The following MARCHF11 variants were observed in gnomAD, a reference collection of about 807,000 sequenced individuals.
MARCHF11 encodes E3 ubiquitin-protein ligase MARCHF11.
MARCHF11 carries 29 observed loss-of-function variants against 37.3 expected under a neutral mutation model. That is an observed-to-expected ratio of 0.78 (90% CI 0.58 to 1.06). The LOEUF (loss-of-function observed/expected upper bound fraction) is 1.06. MARCHF11 is among the 50% of genes least tolerant of loss of function. The pLI is 0.00. For missense variants in MARCHF11, 482 were observed against 533.4 expected, an observed-to-expected ratio of 0.90 and a Z score of 0.95; for synonymous variants, 233 against 228.0, an observed-to-expected ratio of 1.02 and a Z score of -0.20.
chr5:16,136,907 G>A (rs1737618955), intron 2 of MARCHF11, among the ~76,000 whole-genome samples: 1 of 151,966 alleles, frequency 6.6e-6, no homozygotes. Context: ...GAAACATAAT[G>A]AACTAAATAG....
intron 2 of MARCHF11, among the ~76,000 whole-genome samples, chr5:16,108,524 T>C (rs1737083648): frequency 6.6e-6 from 1 of 152,158 alleles, no homozygotes; most frequent in African/African-American, 2.4e-5. Context: ...TGTCTTGACA[T>C]CTGCCAGGGA....
intron 1 of MARCHF11, among the ~76,000 whole-genome samples, chr5:16,178,286 A>T (rs956401743): frequency 6.6e-6 from 1 of 152,210 alleles, no homozygotes; most frequent in Non-Finnish European, 1.5e-5. Context: ...TTCTAAATGT[A>T]GCATCATAAA....
At chr5:16,177,943 G>A in intron 1 of MARCHF11, 62 bp from the exon 2 acceptor site, 1 of 1,467,370 alleles carries the variant, frequency 6.8e-7, no homozygotes, top group East Asian at 2.4e-5. Flanking sequence ...AAAACCTAAT[G>A]CTTCCTTTCT....
At chr5:16,074,540 T>C (rs1736484693) in intron 3 of MARCHF11, among the ~76,000 whole-genome samples, 1 of 152,208 alleles carries the variant, frequency 6.6e-6, no homozygotes, top group Non-Finnish European at 1.5e-5. Flanking sequence ...TACTGTTGAC[T>C]ATAAATGGTA....
At chr5:16,153,120 T>G (rs1737915764) in intron 2 of MARCHF11, among the ~76,000 whole-genome samples, 1 of 151,810 alleles carries the variant, frequency 6.6e-6, no homozygotes, top group Non-Finnish European at 1.5e-5. Flanking sequence ...ACAGAAAAGG[T>G]AAGGGTCATG....
intron 2 of MARCHF11, among the ~76,000 whole-genome samples, chr5:16,142,356 A>G (rs1737721616): frequency 6.6e-6 from 1 of 152,182 alleles, no homozygotes; most frequent in Non-Finnish European, 1.5e-5. Context: ...TATTGTAAAA[A>G]TAGCAACGCT....
chr5:16,070,949 T>C (rs1047000391), intron 3 of MARCHF11, among the ~76,000 whole-genome samples: 2 of 152,138 alleles, frequency 1.3e-5, no homozygotes, highest in African/African-American at 2.4e-5. Flanking sequence ...CATGCATTTT[T>C]CCCCCTTTTT....
intron 2 of MARCHF11, among the ~76,000 whole-genome samples, chr5:16,142,583 G>C (rs1287859418): frequency 6.6e-6 from 1 of 151,950 alleles, no homozygotes; most frequent in Non-Finnish European, 1.5e-5. Flanking sequence ...GTACAGTCTT[G>C]TGAACTAGGG....
chr5:16,165,349 T>C (rs1429862382), intron 2 of MARCHF11, among the ~76,000 whole-genome samples: 1 of 152,106 alleles, frequency 6.6e-6, no homozygotes, highest in African/African-American at 2.4e-5. Flanking sequence ...TCCCCTATTG[T>C]TAATATCTTA....
At chr5:16,140,890 T>C (rs1021267385) in intron 2 of MARCHF11, 1 of 152,160 alleles carries the variant, frequency 6.6e-6, no homozygotes, top group Admixed American at 6.5e-5. Flanking sequence ...CTTAATAAAA[T>C]AGAAAAACTT....
In MARCHF11 at chr5:16,160,907, G is replaced by A. The variant is rs140945406; in HGVS notation, c.693+16819C>T. Among the ~76,000 whole-genome samples, 318 of 152,114 alleles carry A rather than the reference G, an allele frequency of 2.1e-3. 1 individual carries two copies. Among genetic ancestry groups the A allele is most frequent in the African/African-American group, 7.3e-3 (304 of 41,558 alleles). On this transcript the variant is annotated intron_variant, in intron 2 of 3. Coordinates refer to ENST00000332432, the MANE Select transcript of MARCHF11 (RefSeq NM_001102562.3). ...TTCCAAGAACACAACCGTAGTTCGT[G>A]TGAAACACTAGAGGGCAGAGTTGCA...
chr5:16,117,520 A>T (rs934117590), intron 2 of MARCHF11, among the ~76,000 whole-genome samples: 1 of 152,196 alleles, frequency 6.6e-6, no homozygotes, highest in African/African-American at 2.4e-5. Flanking sequence ...GCAAAGCAAC[A>T]TTTGGTCTTG....
chr5:16,166,626 T>C (rs1276429906), intron 2 of MARCHF11, among the ~76,000 whole-genome samples: 2 of 152,038 alleles, frequency 1.3e-5, no homozygotes, highest in East Asian at 1.9e-4. Context: ...ATATGTAAAT[T>C]TCTATACGAT....
chr5:16,116,658 C>T (rs1249084077), intron 2 of MARCHF11, among the ~76,000 whole-genome samples: 1 of 151,596 alleles, frequency 6.6e-6, no homozygotes, highest in African/African-American at 2.4e-5. Context: ...AAAGTAAAAG[C>T]TGCTATTTGC....
At chr5:16,116,702 T>A (rs1266413103) in intron 2 of MARCHF11, among the ~76,000 whole-genome samples, 1 of 151,714 alleles carries the variant, frequency 6.6e-6, no homozygotes, top group Non-Finnish European at 1.5e-5. Flanking sequence ...TTTTGGAATA[T>A]CTGGAAAGAA....
At chr5:16,134,620 A>T (rs952941906) in intron 2 of MARCHF11, among the ~76,000 whole-genome samples, 4 of 152,172 alleles carry the variant, frequency 2.6e-5, no homozygotes, top group Non-Finnish European at 5.9e-5. Flanking sequence ...ATTATCACCA[A>T]AAAAATTATC....
rs1738422391 is a variant in MARCHF11 at position 16,179,238 on chromosome 5, G to A, written c.338C>T (p.Ala113Val). Residue 113 changes from alanine to valine, a missense_variant, in exon 1 of 4, where the codon GCA (alanine) becomes GTA (valine). Physicochemically the swap from Ala to Val is moderately conservative, Grantham distance 64. Transcript: ENST00000332432. ...GEGPRRLPEAAAAKGGPGESE... is the reference protein window; with the variant it reads ...GEGPRRLPEAVAAKGGPGESE... The stretch of plus-strand genomic sequence containing the variant: ...CTCCCCGGGGCCGCCTTTCGCTGCT[G>A]CCGCCTCCGGGAGGCGCCTCGGACC... 7 of 1,343,978 alleles carry A rather than the reference G, an allele frequency of 5.2e-6. No homozygotes were observed. Among genetic ancestry groups the A allele is most frequent in the Non-Finnish European group, 5.7e-6 (6 of 1,048,102 alleles). 83.3% of individuals were successfully genotyped at this position (1,343,978 alleles called of 1,614,324 possible). A position where few individuals can be genotyped will look rare whatever the true frequency, so the allele number is the denominator to read the frequency against.
At chr5:16,084,849 A>C (rs1471115257) in intron 3 of MARCHF11, among the ~76,000 whole-genome samples, 1 of 152,058 alleles carries the variant, frequency 6.6e-6, no homozygotes, top group Non-Finnish European at 1.5e-5. Flanking sequence ...TATTTTTAAA[A>C]ATTCCCTAAT....
At chr5:16,071,749 A>T (rs538249267) in intron 3 of MARCHF11, among the ~76,000 whole-genome samples, 1 of 152,340 alleles carries the variant, frequency 6.6e-6, no homozygotes, top group South Asian at 2.1e-4. Flanking sequence ...TGATTTAATT[A>T]CCAAACCACT....
Sources: allele counts gnomAD v4.1 joint callset (sites outside exome capture counted in the v4.1 genomes callset), GRCh38; gene constraint gnomAD v4.1.1; transcripts MANE v1.5; gene names NCBI Gene and HGNC (gene_info 2026-07-23, HGNC 2026-07-21).